The following DNAH10 variants were observed in gnomAD, a reference collection of about 807,000 sequenced individuals.
The protein encoded by DNAH10 is axonemal beta dynein heavy chain 10.
Under a neutral mutation model 506.6 loss-of-function variants are expected in DNAH10, and 348 were observed. That is an observed-to-expected ratio of 0.69 (90% CI 0.63 to 0.75). The LOEUF is 0.75. DNAH10 is among the 30% of genes least tolerant of loss of function. The pLI, the probability that DNAH10 is intolerant of heterozygous loss-of-function variation, is 0.00. For missense variants in DNAH10, 5,179 were observed against 5,787.1 expected (o/e 0.89, Z 3.41); for synonymous variants, 2,059 against 2,198.6 (o/e 0.94, Z 1.78).
intron 30 of DNAH10, among the ~76,000 whole-genome samples, chr12:123,843,431 C>T (rs1203776950): frequency 6.6e-6 from 1 of 152,160 alleles, no homozygotes; most frequent in African/African-American, 2.4e-5. Flanking sequence ...CGGTGTCGTC[C>T]TCTGGGCCTT....
chr12:123,854,339 A>G (rs1951306508), intron 36 of DNAH10, among the ~76,000 whole-genome samples: 4 of 152,162 alleles, frequency 2.6e-5, no homozygotes, highest in Admixed American at 6.5e-5. Context: ...CAGTCTTAGC[A>G]ACAGGGAAAA....
intron 30 of DNAH10, 102 bp from the exon 31 acceptor site, chr12:123,845,498 C>T: frequency 6.9e-7 from 1 of 1,456,286 alleles, no homozygotes; most frequent in Middle Eastern, 1.8e-4. Flanking sequence ...CTTTACTTTG[C>T]CCTCCCTATT....
At position 123,771,719 on chromosome 12, in the gene DNAH10, T is replaced by A. The variant is rs116739170; in HGVS notation, c.396+21T>A. ...CCAAAGTAAGCATGGCTCTTTGTCC[T>A]TGTTGGTGGGGTAATGGGGACCCTT... On this transcript the variant is annotated intron_variant, in intron 3 of 78. Coordinates refer to ENST00000673944, the MANE Select transcript of DNAH10 (RefSeq NM_001372106.1). 3,157 of 1,587,658 alleles carry A rather than the reference T, an allele frequency of 2.0e-3. 38 individuals are homozygous for A. The African/African-American group carries it at 0.036, about 18-fold the overall frequency.
chr12:123,763,047 G>A (rs1053499309), intron 1 of DNAH10, among the ~76,000 whole-genome samples: 1 of 152,120 alleles, frequency 6.6e-6, no homozygotes, highest in African/African-American at 2.4e-5. Flanking sequence ...AGCCTCTCAC[G>A]GAGGGTCCGA....
Position 123,893,245 on chromosome 12 carries a change from C to A in DNAH10, c.9008C>A (p.Ala3003Glu). The A allele has an allele frequency of 6.2e-7, 1 of 1,614,000 alleles. No homozygotes were observed. Among genetic ancestry groups the A allele is most frequent in the South Asian group, 1.1e-5 (1 of 91,072 alleles). Residue 3003 changes from alanine (A) to glutamate (E), a missense_variant, in exon 53 of 79, where the codon GCG becomes GAG. Around this residue, in one of 3 missense-constraint regions of DNAH10, gnomAD observed 4,844 missense variants for 5,430.5 expected, o/e 0.89. Coordinates refer to ENST00000673944, the MANE Select transcript of DNAH10 (RefSeq NM_001372106.1). ...NNMLTSGIVP[A>E]LFSEEEKESI... ...CTTCCTTTTCCAGGAATTGTACCTG[C>A]GCTTTTTTCTGAAGAGGAGAAAGAG... is the stretch of plus-strand genomic sequence containing the variant.
chr12:123,866,134 T>G (rs1951795115), intron 41 of DNAH10, 61 bp downstream of exon 41: 1 of 1,436,616 alleles, frequency 7.0e-7, no homozygotes, highest in Non-Finnish European at 9.3e-7. Context: ...TTGGATAACA[T>G]AGTCCAGAGG....
intron 1 of DNAH10, among the ~76,000 whole-genome samples, chr12:123,767,183 C>T (rs1414797468): frequency 6.6e-6 from 1 of 152,198 alleles, no homozygotes; most frequent in Non-Finnish European, 1.5e-5. Flanking sequence ...GCTGGGATTA[C>T]AGGCATGAGC....
chr12:123,792,731 G>T (rs1431998286), intron 11 of DNAH10, among the ~76,000 whole-genome samples: 1 of 152,156 alleles, frequency 6.6e-6, no homozygotes, highest in Non-Finnish European at 1.5e-5. Flanking sequence ...AAAGTGCTGG[G>T]ATTACAGGCA....
intron 65 of DNAH10, among the ~76,000 whole-genome samples, chr12:123,921,691 GTTTTTTTTTTTTTTTTTTT>G (rs35553163): frequency 4.8e-4 from 30 of 62,884 alleles, no homozygotes; most frequent in African/African-American, 9.7e-4. Context: ...GTAGCTTGCA[GTTTTTTTTTTTTTTTTTTT>G]TTTTTTTTTT....
Position 123,803,660 on chromosome 12 carries a change from G to A in DNAH10, c.2615-1G>A. ...GTCTTTCTTTCTTTCTTTCTTCAAA[G>A]GTATCGGTGACTATATAACTGGTTG... On this transcript the variant is annotated splice_acceptor_variant, in intron 16 of 78. Coordinates refer to ENST00000673944, the MANE Select transcript of DNAH10 (RefSeq NM_001372106.1). LOFTEE classifies it high-confidence loss of function. 6.4e-7 allele frequency: 1 copy of A among 1,555,658 alleles called. No homozygotes were observed.
Position 123,799,345 on chromosome 12 carries a change from C to G in DNAH10, c.2263C>G (p.Leu755Val). ...MEVTEQVLPA[L>V]MKKSLLTKSS... ...GGTGACGGAGCAGGTGCTGCCAGCT[C>G]TCATGAAGAAGAGCCTTTTGACCAA... The change falls in exon 14 of 79, where the codon CTC (leucine) becomes GTC (valine). Residue 755 changes from leucine (L) to valine (V), a missense_variant. By Grantham distance (32) the Leu-to-Val change is conservative. Transcript: ENST00000673944. The G allele has an allele frequency of 6.2e-7, 1 of 1,611,588 alleles. No homozygotes were observed. The highest frequency in any genetic ancestry group is 8.5e-7 in the Non-Finnish European group (1 of 1,178,256).
At chr12:123,885,691 C>T (rs1174664959) in intron 51 of DNAH10, among the ~76,000 whole-genome samples, 1 of 152,162 alleles carries the variant, frequency 6.6e-6, no homozygotes, top group African/African-American at 2.4e-5. Context: ...AATCACCCCA[C>T]CACAAAGGAT....
intron 14 of DNAH10, 35 bp from the exon 15 acceptor site, chr12:123,800,181 G>T (rs752184356): frequency 6.2e-7 from 1 of 1,603,592 alleles, no homozygotes; most frequent in Admixed American, 1.7e-5. Flanking sequence ...CTCTTGGACT[G>T]CCCTGGCCGC....
chr12:123,765,585 T>TA (rs1555302054), intron 1 of DNAH10, among the ~76,000 whole-genome samples: 232 of 152,114 alleles, frequency 1.5e-3, no homozygotes, highest in African/African-American at 5.4e-3. Context: ...TCTATCTATC[T>TA]ATCTATCTAT....
At chr12:123,935,009 G>GTCTAGA (rs1955425125) in intron 78 of DNAH10, 1 of 621,620 alleles carries the variant, frequency 1.6e-6, no homozygotes, top group African/African-American at 1.8e-5. Flanking sequence ...TGATCCTGTG[G>GTCTAGA]TCTAGACTAA....
rs138325883 is a variant in DNAH10, at chr12:123,926,915, G to A, written c.12105+95G>A. 129 of 1,377,878 alleles carry A rather than the reference G, an allele frequency of 9.4e-5. No homozygotes were observed. The African/African-American group carries it at 1.1e-3, about 12-fold the overall frequency. The allele number at this position is 1,377,878 out of a possible 1,614,324, so 85.4% of individuals were successfully genotyped here. A position where few individuals can be genotyped will look rare whatever the true frequency, so the allele number is the denominator to read the frequency against. Reference sequence around the variant, plus strand: ...AACCTGGGTTTAAGCTGAGTGCCACGCCACAAATCAGTTGGATGCATTTCC... The same window carrying A: ...AACCTGGGTTTAAGCTGAGTGCCACACCACAAATCAGTTGGATGCATTTCC... On this transcript the variant is annotated intron_variant, in intron 69 of 78. Transcript: ENST00000673944. The surrounding 1 kb of genome is among the most constrained non-coding windows in gnomAD (Gnocchi z 4.1).
intron 54 of DNAH10, among the ~76,000 whole-genome samples, chr12:123,897,515 G>A (rs1301453512): frequency 3.3e-5 from 5 of 152,308 alleles, no homozygotes; most frequent in Non-Finnish European, 5.9e-5. Flanking sequence ...CCTTAGCTCA[G>A]GAGTTAAGAC....
In DNAH10 at chr12:123,928,286, G is replaced by C; in HGVS notation, c.12106-101G>C. The C allele has an allele frequency of 7.6e-7, 1 of 1,314,340 alleles. No homozygotes were observed. The highest frequency in any genetic ancestry group is 1.0e-6 in the Non-Finnish European group (1 of 967,776). The allele number at this position is 1,314,340 out of a possible 1,614,324, so 81.4% of individuals were successfully genotyped here. A position where few individuals can be genotyped will look rare whatever the true frequency, so the allele number is the denominator to read the frequency against. On this transcript the variant is annotated intron_variant, in intron 69 of 78. Transcript: ENST00000673944. The surrounding 1 kb of genome is among the most constrained non-coding windows in gnomAD (Gnocchi z 4.9). ...CTCGGCTTGCTTTTGGCTTCTGCTG[G>C]AGCTGCCATCGCCCTTCTGTGGGTG...
chr12:123,800,332 G>T lies in DNAH10; in HGVS notation c.2406G>T (p.Gly802=), dbSNP rs1383777300. ...INETKYLEQL[G]FTVPELARNV... ...AAACAAAGTACTTAGAGCAGCTGGG[G>T]TTCACTGTCCCTGAATTAGCAAGAA... Residue 802 remains glycine, a synonymous_variant, in exon 15 of 79, where the codon GGG becomes GGT. Transcript: ENST00000673944. 2 of 1,614,112 alleles carry T rather than the reference G, an allele frequency of 1.2e-6. No homozygotes were observed. The highest frequency in any genetic ancestry group is 1.7e-6 in the Non-Finnish European group (2 of 1,180,030).
Sources: gnomAD v4.1 joint callset for allele counts (sites outside exome capture counted in the v4.1 genomes callset) on GRCh38, gnomAD v4.1.1 for gene constraint, gnomAD v4.1.1 regional missense constraint, Gnocchi (gnomAD v3.1) non-coding constraint, MANE v1.5 for transcripts, NCBI Gene and HGNC (gene_info 2026-07-23, HGNC 2026-07-21) for gene names.